PPARA: variants seen among roughly 807,000 people sequenced by gnomAD.
The protein encoded by PPARA is peroxisome proliferator-activated receptor alpha.
Under a neutral mutation model 42.2 loss-of-function variants are expected in PPARA, and 22 were observed. The observed-to-expected ratio is 0.52, with a 90% CI of 0.37 to 0.74. The LOEUF (loss-of-function observed/expected upper bound fraction) is 0.74. Among genes scored for constraint, PPARA ranks in the 30% least tolerant of loss-of-function variants. The pLI is 0.00. For synonymous variants in PPARA, 242 were observed against 239.3 expected (o/e 1.01, Z -0.10); for missense variants, 465 against 608.2 (o/e 0.76, Z 2.48).
chr22:46,205,892 T>C (rs117504249), intron 4 of PPARA, among the ~76,000 whole-genome samples: 3 of 152,238 alleles, frequency 2.0e-5, no homozygotes, highest in East Asian at 1.9e-4. Context: ...TTGTCTGTTA[T>C]TGATGTAGCC....
chr22:46,227,669 G>A lies in PPARA; in HGVS notation c.712-4123G>A, dbSNP rs184034117. Among the ~76,000 whole-genome samples the A allele has an allele frequency of 1.3e-5, 2 of 152,204 alleles. No homozygotes were observed. Among genetic ancestry groups the A allele is most frequent in the East Asian group, 1.9e-4 (1 of 5,200 alleles). ...TGCCGGGACCAGTGTGGCAGCAAGC[G>A]GGGCGTTCTGCTCTCGGCATGGAGT... is the stretch of plus-strand genomic sequence containing the variant. On this transcript the variant is annotated intron_variant, in intron 7 of 8. Coordinates refer to ENST00000407236, the MANE Select transcript of PPARA (RefSeq NM_005036.6). The surrounding 1 kb of genome is among the most constrained non-coding windows in gnomAD (Gnocchi z 4.3).
Position 46,183,315 on chromosome 22 carries a change from T to A in PPARA, c.-43+6479T>A, listed in dbSNP as rs1020029826. On this transcript the variant is annotated intron_variant, in intron 3 of 8. Coordinates refer to ENST00000407236, the MANE Select transcript of PPARA (RefSeq NM_005036.6). The surrounding 1 kb of genome is among the most constrained non-coding windows in gnomAD (Gnocchi z 5.5). ...TCCAGTCTTTGTTTTAAAAACACAT[T>A]AGAATAATACTACATTTTCCCTCAT... Among the ~76,000 whole-genome samples, 2 of 152,228 alleles carry A rather than the reference T, an allele frequency of 1.3e-5. No homozygotes were observed. The highest frequency in any genetic ancestry group is 4.8e-5 in the African/African-American group (2 of 41,466).
intron 2 of PPARA, among the ~76,000 whole-genome samples, chr22:46,153,627 G>C (rs556081994): frequency 4.7e-4 from 71 of 152,232 alleles, no homozygotes; most frequent in African/African-American, 1.5e-3. Flanking sequence ...TTGGGAGGCT[G>C]AGGTGGGCAG....
At chr22:46,217,745 C>T (rs1312615276) in intron 5 of PPARA, among the ~76,000 whole-genome samples, 1 of 147,280 alleles carries the variant, frequency 6.8e-6, no homozygotes, top group African/African-American at 2.5e-5. Context: ...TTGTTTTTCA[C>T]ATTAAATGTA....
intron 7 of PPARA, among the ~76,000 whole-genome samples, chr22:46,226,248 C>T (rs991541757): frequency 6.6e-6 from 1 of 152,224 alleles, no homozygotes; most frequent in Non-Finnish European, 1.5e-5. Context: ...TGCTCACACA[C>T]ACACTTACTG....
chr22:46,181,564 G>A (rs1213637591), intron 3 of PPARA, among the ~76,000 whole-genome samples: 1 of 152,160 alleles, frequency 6.6e-6, no homozygotes, highest in Non-Finnish European at 1.5e-5. Context: ...GAAAGGTTTT[G>A]CTGGAGATTA....
intron 3 of PPARA, among the ~76,000 whole-genome samples, chr22:46,178,710 C>G (rs914963145): frequency 2.0e-5 from 3 of 152,082 alleles, no homozygotes; most frequent in Non-Finnish European, 4.4e-5. Context: ...GAACAGTGCC[C>G]AGTACTTGTG....
chr22:46,158,508 G>C (rs1925666501), intron 2 of PPARA, among the ~76,000 whole-genome samples: 2 of 152,198 alleles, frequency 1.3e-5, no homozygotes, highest in African/African-American at 4.8e-5. Context: ...GTTATTTAGA[G>C]GTTGACACGT....
At position 46,233,990 on chromosome 22, in the gene PPARA, A is replaced by G. The variant is rs1410583994; in HGVS notation, c.1160-1143A>G. On this transcript the variant is annotated intron_variant, in intron 8 of 8. Coordinates refer to ENST00000407236, the MANE Select transcript of PPARA (RefSeq NM_005036.6). This position sits in a 1 kb window ranked among gnomAD's most constrained non-coding sequence, Gnocchi z 7.3. Reference sequence around the variant, plus strand: ...AGGAACATGCCAGCACACCTGGCTAATTTTTGTATTTTTAGTAAAGATGGG... The same window carrying G: ...AGGAACATGCCAGCACACCTGGCTAGTTTTTGTATTTTTAGTAAAGATGGG... Among the ~76,000 whole-genome samples, 2 of 152,080 alleles carry G rather than the reference A, an allele frequency of 1.3e-5. No homozygotes were observed. Among genetic ancestry groups the G allele is most frequent in the Admixed American group, 1.3e-4 (2 of 15,264 alleles).
chr22:46,238,348 C>T lies in PPARA; in HGVS notation c.*2968C>T, dbSNP rs1936276147. The T allele has an allele frequency of 6.6e-6, 1 of 152,286 alleles. No homozygotes were observed. The highest frequency in any genetic ancestry group is 1.5e-5 in the Non-Finnish European group (1 of 68,030). 9.4% of individuals were successfully genotyped at this position (152,286 alleles called of 1,614,324 possible). ...AATACTCAAATATAGGCTGATTATG[C>T]CCCAGTTCAAATGGGAACTATTAAC... On this transcript the variant is annotated 3_prime_UTR_variant, in exon 9 of 9. Transcript: ENST00000407236. This position sits in a 1 kb window ranked among gnomAD's most constrained non-coding sequence, Gnocchi z 8.3.
intron 2 of PPARA, among the ~76,000 whole-genome samples, chr22:46,153,646 A>AT (rs759461847): frequency 6.6e-6 from 1 of 151,882 alleles, no homozygotes; most frequent in African/African-American, 2.4e-5. Flanking sequence ...AGATGACAAG[A>AT]TCAGGAGTTT....
At chr22:46,152,613 C>T (rs1924612458) in intron 2 of PPARA, among the ~76,000 whole-genome samples, 1 of 152,146 alleles carries the variant, frequency 6.6e-6, no homozygotes. Flanking sequence ...TGTCTCTGAG[C>T]TGTTTTCATT....
chr22:46,177,747 C>G (rs1368855264), intron 3 of PPARA, among the ~76,000 whole-genome samples: 1 of 151,892 alleles, frequency 6.6e-6, no homozygotes, highest in East Asian at 1.9e-4. Flanking sequence ...CAGGTCAGAA[C>G]CTCAAGCGTG....
chr22:46,186,939 A>G lies in PPARA; in HGVS notation c.-43+10103A>G, dbSNP rs1930904304. Among the ~76,000 whole-genome samples, 3 of 152,208 alleles carry G rather than the reference A, an allele frequency of 2.0e-5. No individual in the cohort carries two copies. In the South Asian group the frequency reaches 6.2e-4, roughly 32 times the overall value. On this transcript the variant is annotated intron_variant, in intron 3 of 8. Coordinates refer to ENST00000407236, the MANE Select transcript of PPARA (RefSeq NM_005036.6). ...GGAGACTAACAACAATGATAATAAA[A>G]TGGAACAATTATAACATACACTGTA...
At chr22:46,226,314 G>A (rs1935453302) in intron 7 of PPARA, among the ~76,000 whole-genome samples, 1 of 152,234 alleles carries the variant, frequency 6.6e-6, no homozygotes, top group African/African-American at 2.4e-5. Flanking sequence ...TCCAAAAAAT[G>A]AGTGTGGTGT....
rs568275380 is a variant in PPARA, at chr22:46,203,106, A to G, written c.208+4515A>G. Among the ~76,000 whole-genome samples, 5 of 152,212 alleles carry G rather than the reference A, an allele frequency of 3.3e-5. No individual in the cohort carries two copies. In the East Asian group the frequency reaches 7.7e-4, roughly 24 times the overall value. On this transcript the variant is annotated intron_variant, in intron 4 of 8. Transcript: ENST00000407236. The surrounding 1 kb of genome is among the most constrained non-coding windows in gnomAD (Gnocchi z 5.8). Reference sequence around the variant, plus strand: ...AGCATTTCCTCACTGTTATTCATACATGTGGTCATTTGTACTCATCTCACA... The same window carrying G: ...AGCATTTCCTCACTGTTATTCATACGTGTGGTCATTTGTACTCATCTCACA...
At chr22:46,177,230 A>AAT (rs1248585784) in intron 3 of PPARA, among the ~76,000 whole-genome samples, 1 of 151,804 alleles carries the variant, frequency 6.6e-6, no homozygotes, top group Non-Finnish European at 1.5e-5. Context: ...AATAAAATAA[A>AAT]ATAAAAATAA....
rs1003904329 is a variant in PPARA at position 46,211,022 on chromosome 22, T to C, written c.209-4151T>C. Among the ~76,000 whole-genome samples, 6 of 152,200 alleles carry C rather than the reference T, an allele frequency of 3.9e-5. No homozygotes were observed. The highest frequency in any genetic ancestry group is 1.5e-5 in the Non-Finnish European group (1 of 68,028). ...CCACTGTGGGAGGCGAGAGCAGGAC[T>C]ATATCCAGCTCCATGTGGGCCCCAG... On this transcript the variant is annotated intron_variant, in intron 4 of 8. Coordinates refer to ENST00000407236, the MANE Select transcript of PPARA (RefSeq NM_005036.6). This position sits in a 1 kb window ranked among gnomAD's most constrained non-coding sequence, Gnocchi z 4.1.
In PPARA at chr22:46,225,791, CCACA is replaced by C. The variant is rs1247850034; in HGVS notation, c.711+5780_711+5783del. Among the ~76,000 whole-genome samples, 1 of 135,152 alleles carries C rather than the reference CCACA, an allele frequency of 7.4e-6. No individual in the cohort carries two copies. The highest frequency in any genetic ancestry group is 1.6e-5 in the Non-Finnish European group (1 of 64,146). The allele number at this position is 135,152 out of a possible 152,430, so 88.7% of individuals were successfully genotyped here. A position where few individuals can be genotyped will look rare whatever the true frequency, so the allele number is the denominator to read the frequency against. ...CATGCACGTGTAAACACACACACCC[CCACA>C]CATACACGTGCACCCACACATGCAC... On this transcript the variant is annotated intron_variant, in intron 7 of 8. Transcript: ENST00000407236. The surrounding 1 kb of genome is among the most constrained non-coding windows in gnomAD (Gnocchi z 4.1).
Sources: gnomAD v4.1 joint callset for allele counts (sites outside exome capture counted in the v4.1 genomes callset) on GRCh38, gnomAD v4.1.1 for gene constraint, Gnocchi (gnomAD v3.1) non-coding constraint, MANE v1.5 for transcripts, NCBI Gene and HGNC (gene_info 2026-07-23, HGNC 2026-07-21) for gene names.